TBC1D16: variants seen among roughly 807,000 people sequenced by gnomAD.
TBC1D16 encodes CTD-2529O21.1.
Under a neutral mutation model 74.7 loss-of-function variants are expected in TBC1D16, and 58 were observed. That is an observed-to-expected ratio of 0.78 (90% CI 0.63 to 0.97). The LOEUF (loss-of-function observed/expected upper bound fraction) is 0.97. Ranked by LOEUF, TBC1D16 falls within the 50% of genes least tolerant of loss-of-function variation. TBC1D16 has a pLI of 0.00. For synonymous variants in TBC1D16, 493 were observed against 474.7 expected (o/e 1.04, Z -0.50); for missense variants, 1,014 against 1,079.5 (o/e 0.94, Z 0.85).
chr17:80,002,751 T>C (rs1031500678), intron 3 of TBC1D16, among the ~76,000 whole-genome samples: 1 of 152,208 alleles, frequency 6.6e-6, no homozygotes. Flanking sequence ...AAGACCAAAG[T>C]CCAGTTGCTT....
intron 1 of TBC1D16, among the ~76,000 whole-genome samples, chr17:80,027,288 C>A (rs1468114926): frequency 1.5e-4 from 23 of 152,120 alleles, no homozygotes; most frequent in Admixed American, 1.4e-3. Flanking sequence ...CATGGTGAAA[C>A]CCCGTCTCTA....
rs1021566302 is a variant in TBC1D16 at position 80,008,678 on chromosome 17, C to T, written c.779+1482G>A. 7.9e-5 allele frequency among the ~76,000 whole-genome samples: 12 copies of T among 152,202 alleles called. No homozygotes were observed. Among genetic ancestry groups the T allele is most frequent in the East Asian group, 3.9e-4 (2 of 5,188 alleles). ...CCTCCTCGGGTTCCCTGGCGCCTGA[C>T]GCCACCCAGCTCAGCAAGCCTCCTG... is the stretch of plus-strand genomic sequence containing the variant. On this transcript the variant is annotated intron_variant, in intron 3 of 11. Coordinates refer to ENST00000310924, the MANE Select transcript of TBC1D16 (RefSeq NM_019020.4). This position sits in a 1 kb window ranked among gnomAD's most constrained non-coding sequence, Gnocchi z 4.5.
chr17:80,023,462 C>T (rs2036355891), intron 1 of TBC1D16, among the ~76,000 whole-genome samples: 3 of 150,042 alleles, frequency 2.0e-5, no homozygotes, highest in Admixed American at 1.3e-4. Context: ...CGTCAGAGAC[C>T]CTTCCCTGCG....
intron 1 of TBC1D16, among the ~76,000 whole-genome samples, chr17:80,034,493 C>T (rs994187303): frequency 4.1e-4 from 63 of 152,244 alleles, no homozygotes; most frequent in African/African-American, 1.5e-3. Context: ...TGAGCCACGG[C>T]GCCCAGCCAT....
In TBC1D16 at chr17:80,010,151, G is replaced by A. The variant is rs185069966; in HGVS notation, c.779+9C>T. 4 of 1,603,322 alleles carry A rather than the reference G, an allele frequency of 2.5e-6. No individual in the cohort carries two copies. The East Asian group carries it at 8.9e-5, about 36-fold the overall frequency. ...TCCCGAGAGCCCACGCCCAGAACCA[G>A]GAACTCACCTGCTGTCACTTTCCAG... is the stretch of plus-strand genomic sequence containing the variant. On this transcript the variant is annotated intron_variant, in intron 3 of 11. Transcript: ENST00000310924. The surrounding 1 kb of genome is among the most constrained non-coding windows in gnomAD (Gnocchi z 8.8).
chr17:79,969,134 C>T (rs1371635160), intron 3 of TBC1D16, among the ~76,000 whole-genome samples: 1 of 152,188 alleles, frequency 6.6e-6, no homozygotes, highest in Non-Finnish European at 1.5e-5. Flanking sequence ...CGCCTGTAAT[C>T]CCAGTACTTT....
At chr17:79,978,290 G>C (rs940965062) in intron 3 of TBC1D16, among the ~76,000 whole-genome samples, 25 of 152,372 alleles carry the variant, frequency 1.6e-4, no homozygotes, top group Middle Eastern at 3.4e-3. Context: ...CAGGGTCTCC[G>C]CTCCGGCGAT....
In TBC1D16 at chr17:79,935,023, G is replaced by A. The variant is rs892566661; in HGVS notation, c.*5836C>T. The A allele has an allele frequency of 1.3e-5, 2 of 152,258 alleles. No homozygotes were observed. The highest frequency in any genetic ancestry group is 4.8e-5 in the African/African-American group (2 of 41,460). The allele number at this position is 152,258 out of a possible 1,614,324, so 9.4% of individuals were successfully genotyped here. A position where few individuals can be genotyped will look rare whatever the true frequency, so the allele number is the denominator to read the frequency against. On this transcript the variant is annotated 3_prime_UTR_variant, in exon 12 of 12. Transcript: ENST00000310924. ...TGACCCCTGCTGCACGGTTCCAAGG[G>A]CTTGGTAGGGCAGCCTGAATTTTCC... is the stretch of plus-strand genomic sequence containing the variant.
At position 79,944,878 on chromosome 17, in the gene TBC1D16, C is replaced by A; in HGVS notation, c.1908+30G>T. 6.5e-7 allele frequency: 1 copy of A among 1,530,870 alleles called. No homozygotes were observed. 94.8% of individuals were successfully genotyped at this position (1,530,870 alleles called of 1,614,324 possible). ...GTGGTTCAGGGGCCATGGTCCCAAC[C>A]TCCCCAGCCCTGGCCCCTGCCCTGG... On this transcript the variant is annotated intron_variant, in intron 10 of 11. Coordinates refer to ENST00000310924, the MANE Select transcript of TBC1D16 (RefSeq NM_019020.4). The surrounding 1 kb of genome is among the most constrained non-coding windows in gnomAD (Gnocchi z 7.7).
rs2144590087 is a variant in TBC1D16 at position 80,000,617 on chromosome 17, G to A, written c.779+9543C>T. Among the ~76,000 whole-genome samples, 1 of 152,278 alleles carries A rather than the reference G, an allele frequency of 6.6e-6. No homozygotes were observed. The highest frequency in any genetic ancestry group is 1.5e-5 in the Non-Finnish European group (1 of 68,022). On this transcript the variant is annotated intron_variant, in intron 3 of 11. Coordinates refer to ENST00000310924, the MANE Select transcript of TBC1D16 (RefSeq NM_019020.4). The surrounding 1 kb of genome is among the most constrained non-coding windows in gnomAD (Gnocchi z 4.1). ...TGGTCCTTTGTCACAGCAGCCCCAG[G>A]ACACTGATACGAGCACGTCCAACGG...
chr17:80,015,122 G>A (rs983042776), intron 1 of TBC1D16, among the ~76,000 whole-genome samples: 9 of 152,132 alleles, frequency 5.9e-5, no homozygotes, highest in African/African-American at 1.7e-4. Context: ...GCCAAGGAAC[G>A]ACCGTGTCAG....
rs150183869 is a variant in TBC1D16, at chr17:79,940,196, G to A, written c.*663C>T. 4 of 152,230 alleles carry A rather than the reference G, an allele frequency of 2.6e-5. No individual in the cohort carries two copies. The highest frequency in any genetic ancestry group is 2.1e-4 in the South Asian group (1 of 4,830). The allele number at this position is 152,230 out of a possible 1,614,324, so 9.4% of individuals were successfully genotyped here. A position where few individuals can be genotyped will look rare whatever the true frequency, so the allele number is the denominator to read the frequency against. ...TACCAGGAGGACGAAATGTTTAAACGGATAAACATTACAAGCGCCAGCTCC... is the reference window on the plus strand; with the variant it reads ...TACCAGGAGGACGAAATGTTTAAACAGATAAACATTACAAGCGCCAGCTCC... On this transcript the variant is annotated 3_prime_UTR_variant, in exon 12 of 12. Transcript: ENST00000310924. This position sits in a 1 kb window ranked among gnomAD's most constrained non-coding sequence, Gnocchi z 5.4.
rs1301173162 is a variant in TBC1D16 at position 79,985,127 on chromosome 17, C to T, written c.779+25033G>A. On this transcript the variant is annotated intron_variant, in intron 3 of 11. Coordinates refer to ENST00000310924, the MANE Select transcript of TBC1D16 (RefSeq NM_019020.4). The surrounding 1 kb of genome is among the most constrained non-coding windows in gnomAD (Gnocchi z 4.9). Reference sequence around the variant, plus strand: ...GGCTCCAGGCAAGAGTCTTTCCTGCCTCTTCCAGCTGGAGGTGCTCGTCCT... The same window carrying T: ...GGCTCCAGGCAAGAGTCTTTCCTGCTTCTTCCAGCTGGAGGTGCTCGTCCT... 1.3e-5 allele frequency among the ~76,000 whole-genome samples: 2 copies of T among 152,140 alleles called. No individual in the cohort carries two copies. The highest frequency in any genetic ancestry group is 2.9e-5 in the Non-Finnish European group (2 of 68,030).
At position 79,983,946 on chromosome 17, in the gene TBC1D16, A is replaced by G. The variant is rs1422058941; in HGVS notation, c.779+26214T>C. ...CAGGGGTATGATCTCGGCTTACTGCAGCCTTGATCTCCCAGGCTTAAGGGA... is the reference window on the plus strand; with the variant it reads ...CAGGGGTATGATCTCGGCTTACTGCGGCCTTGATCTCCCAGGCTTAAGGGA... On this transcript the variant is annotated intron_variant, in intron 3 of 11. Transcript: ENST00000310924. This position sits in a 1 kb window ranked among gnomAD's most constrained non-coding sequence, Gnocchi z 5.6. Among the ~76,000 whole-genome samples, 1 of 151,950 alleles carries G rather than the reference A, an allele frequency of 6.6e-6. No homozygotes were observed. The highest frequency in any genetic ancestry group is 1.5e-5 in the Non-Finnish European group (1 of 67,970).
chr17:80,024,182 C>A lies in TBC1D16; in HGVS notation c.-62-10573G>T, dbSNP rs1328752306. Among the ~76,000 whole-genome samples the A allele has an allele frequency of 1.4e-5, 2 of 138,972 alleles. 1 individual carries two copies. The highest frequency in any genetic ancestry group is 5.3e-5 in the African/African-American group (2 of 37,578). The allele number at this position is 138,972 out of a possible 152,430, so 91.2% of individuals were successfully genotyped here. A position where few individuals can be genotyped will look rare whatever the true frequency, so the allele number is the denominator to read the frequency against. On this transcript the variant is annotated intron_variant, in intron 1 of 11. Transcript: ENST00000310924. ...CAACCAGAGGCCCCACTTCAGCCCA[C>A]CAGGCAGGACTGCAGCGGGGCACGC... is the stretch of plus-strand genomic sequence containing the variant.
intron 3 of TBC1D16, among the ~76,000 whole-genome samples, chr17:79,972,822 G>C (rs2034169388): frequency 6.6e-6 from 1 of 152,162 alleles, no homozygotes; most frequent in South Asian, 2.1e-4. Context: ...GCTCACACCT[G>C]TAATTCTAGT....
At position 79,993,900 on chromosome 17, in the gene TBC1D16, G is replaced by A. The variant is rs1187034310; in HGVS notation, c.779+16260C>T. On this transcript the variant is annotated intron_variant, in intron 3 of 11. Coordinates refer to ENST00000310924, the MANE Select transcript of TBC1D16 (RefSeq NM_019020.4). The surrounding 1 kb of genome is among the most constrained non-coding windows in gnomAD (Gnocchi z 5.1). ...GCCCCCAGCCCCCATGCAACCACCG[G>A]CCGGGGTTGCGTCAAGGCCTCCCGG... Among the ~76,000 whole-genome samples, 2 of 152,242 alleles carry A rather than the reference G, an allele frequency of 1.3e-5. No individual in the cohort carries two copies. Among genetic ancestry groups the A allele is most frequent in the South Asian group, 4.1e-4 (2 of 4,828 alleles).
Position 80,010,086 on chromosome 17 carries a change from G to A in TBC1D16, c.779+74C>T, listed in dbSNP as rs146225918. 521 of 1,237,734 alleles carry A rather than the reference G, an allele frequency of 4.2e-4. No individual in the cohort carries two copies. The highest frequency in any genetic ancestry group is 5.3e-4 in the Non-Finnish European group (473 of 894,266). 76.7% of individuals were successfully genotyped at this position (1,237,734 alleles called of 1,614,324 possible). ...GCGCTCACCTGGCATCACAGGTGACGCAGGTGAGTGCTTCCTGCCCAGGTC... is the reference window on the plus strand; with the variant it reads ...GCGCTCACCTGGCATCACAGGTGACACAGGTGAGTGCTTCCTGCCCAGGTC... On this transcript the variant is annotated intron_variant, in intron 3 of 11. Transcript: ENST00000310924. This position sits in a 1 kb window ranked among gnomAD's most constrained non-coding sequence, Gnocchi z 8.8.
At chr17:79,946,963 C>T (rs1313167023) in intron 9 of TBC1D16, among the ~76,000 whole-genome samples, 5 of 152,232 alleles carry the variant, frequency 3.3e-5, no homozygotes, top group Non-Finnish European at 5.9e-5. Flanking sequence ...TGACTGCACC[C>T]GGCAGGCACT....
Sources: gnomAD v4.1 joint callset for allele counts (sites outside exome capture counted in the v4.1 genomes callset) on GRCh38, gnomAD v4.1.1 for gene constraint, Gnocchi (gnomAD v3.1) non-coding constraint, MANE v1.5 for transcripts, NCBI Gene and HGNC (gene_info 2026-07-23, HGNC 2026-07-21) for gene names.